SLC24A1: variants seen among roughly 807,000 people sequenced by gnomAD.
SLC24A1 encodes the protein sodium/potassium/calcium exchanger 1.
A neutral mutation model predicts 88.1 loss-of-function variants in SLC24A1; 52 were observed. That is an observed-to-expected ratio of 0.59 (90% confidence interval 0.47 to 0.74). The LOEUF is 0.74. Ranked by LOEUF, SLC24A1 falls within the 30% of genes least tolerant of loss-of-function variation. The probability of loss-of-function intolerance (pLI) is 0.00; values close to 1 mark genes in which losing one functional copy is unlikely to be tolerated. For missense variants in SLC24A1, 1,173 were observed against 1,363.3 expected, an observed-to-expected ratio of 0.86 and a Z score of 2.20; for synonymous variants, 455 against 498.0, an observed-to-expected ratio of 0.91 and a Z score of 1.15.
At chr15:65,660,322 T>A, downstream of SLC24A1, 19 of 1,534,218 alleles carry the variant, frequency 1.2e-5, no homozygotes, top group Non-Finnish European at 1.6e-5. Flanking sequence ...TATTCACTAA[T>A]GGTGTGAACT....
intron 2 of SLC24A1, among the ~76,000 whole-genome samples, chr15:65,635,287 C>T (rs750179689): frequency 1.2e-4 from 18 of 151,298 alleles, no homozygotes; most frequent in Non-Finnish European, 2.4e-4. Context: ...CAAGATCATC[C>T]CGGCCAATAT....
At position 65,625,468 on chromosome 15, in the gene SLC24A1, T is replaced by G; in HGVS notation, c.1388T>G (p.Met463Arg). ...GTGGTCCTGCACGTTTTTGGCATGATGTATGTGTTTGTGGCCTTGGCCATT... is the reference window on the plus strand; with the variant it reads ...GTGGTCCTGCACGTTTTTGGCATGAGGTATGTGTTTGTGGCCTTGGCCATT... Reference protein sequence around the residue: ...GWVVLHVFGMMYVFVALAIVC... With the variant: ...GWVVLHVFGMRYVFVALAIVC... The change falls in exon 2 of 10, where the codon ATG (methionine) becomes AGG (arginine). Residue 463 changes from methionine to arginine, a missense_variant. Coordinates refer to ENST00000261892, the MANE Select transcript of SLC24A1 (RefSeq NM_004727.3). 1.9e-6 allele frequency: 3 copies of G among 1,613,960 alleles called. No individual in the cohort carries two copies. The highest frequency in any genetic ancestry group is 2.5e-6 in the Non-Finnish European group (3 of 1,179,872).
chr15:65,655,709 C>A lies in SLC24A1; in HGVS notation c.*1630C>A. The A allele has an allele frequency of 2.0e-6, 2 of 985,280 alleles. No homozygotes were observed. Among genetic ancestry groups the A allele is most frequent in the Non-Finnish European group, 1.2e-6 (1 of 829,856 alleles). The allele number at this position is 985,280 out of a possible 1,614,324, so 61.0% of individuals were successfully genotyped here. On this transcript the variant is annotated 3_prime_UTR_variant, in exon 10 of 10. Coordinates refer to ENST00000261892, the MANE Select transcript of SLC24A1 (RefSeq NM_004727.3). ...GGACGGATGTGATATGAAAAAAACCCAAACATTTTGGCATTGAATGATGGC... is the reference window on the plus strand; with the variant it reads ...GGACGGATGTGATATGAAAAAAACCAAAACATTTTGGCATTGAATGATGGC...
chr15:65,636,848 C>T (rs905270269), intron 2 of SLC24A1, among the ~76,000 whole-genome samples: 4 of 140,828 alleles, frequency 2.8e-5, no homozygotes, highest in Non-Finnish European at 4.5e-5. Context: ...TGCACTCCAG[C>T]GCTCTGTCTC....
chr15:65,617,335 C>T (rs1439983870), upstream of SLC24A1, among the ~76,000 whole-genome samples: 1 of 152,136 alleles, frequency 6.6e-6, no homozygotes, highest in East Asian at 1.9e-4. Context: ...GCCATTTTCA[C>T]GATATTGATT....
At chr15:65,619,911 T>C (rs2141417923), upstream of SLC24A1, among the ~76,000 whole-genome samples, 1 of 152,146 alleles carries the variant, frequency 6.6e-6, no homozygotes, top group East Asian at 1.9e-4. Flanking sequence ...TTAGATCAGC[T>C]TCCTCTTCTC....
chr15:65,653,919 T>C lies in SLC24A1; in HGVS notation c.3140T>C (p.Leu1047Ser), dbSNP rs2141737541. 2 of 1,614,040 alleles carry C rather than the reference T, an allele frequency of 1.2e-6. No individual in the cohort carries two copies. Among genetic ancestry groups the C allele is most frequent in the Non-Finnish European group, 1.7e-6 (2 of 1,179,880 alleles). The change falls in exon 10 of 10, where the codon TTG (leucine) becomes TCG (serine). Residue 1047 changes from leucine (L) to serine (S), a missense_variant. Coordinates refer to ENST00000261892, the MANE Select transcript of SLC24A1 (RefSeq NM_004727.3). ...SSNGLFCAIV[L>S]LFLMLLFVIS... Reference sequence around the variant, plus strand: ...AATGGCTTGTTTTGTGCAATTGTTTTGCTTTTTCTCATGCTTCTGTTTGTG... The same window carrying C: ...AATGGCTTGTTTTGTGCAATTGTTTCGCTTTTTCTCATGCTTCTGTTTGTG...
intron 6 of SLC24A1, among the ~76,000 whole-genome samples, chr15:65,647,212 T>A (rs1277818959): frequency 1.3e-5 from 2 of 152,142 alleles, no homozygotes; most frequent in Admixed American, 1.3e-4. Flanking sequence ...GTGTTGTGGC[T>A]CACACCTGTA....
chr15:65,643,080 TTA>T, intron 4 of SLC24A1: 1 of 1,231,424 alleles, frequency 8.1e-7, no homozygotes, highest in Non-Finnish European at 1.1e-6. Flanking sequence ...CAGCTAAAAG[TTA>T]TAGAGTGCTT....
At chr15:65,634,189 A>G (rs1284185934) in intron 2 of SLC24A1, among the ~76,000 whole-genome samples, 1 of 152,182 alleles carries the variant, frequency 6.6e-6, no homozygotes, top group African/African-American at 2.4e-5. Context: ...GGGATTCAAT[A>G]AATATTTGTT....
chr15:65,645,668 A>T lies in SLC24A1; in HGVS notation c.2197A>T (p.Ile733Phe), dbSNP rs1298280568. The T allele has an allele frequency of 6.3e-7, 1 of 1,579,652 alleles. No homozygotes were observed. Residue 733 changes from isoleucine to phenylalanine, a missense_variant, in exon 6 of 10, where the codon ATC becomes TTC. Physicochemically the swap from Ile to Phe is conservative, Grantham distance 21 (BLOSUM62 0). Coordinates refer to ENST00000261892, the MANE Select transcript of SLC24A1 (RefSeq NM_004727.3). ...VTVTPAPVPD[I>F]KGDQKENPGG... ...GGTCACACCAGCCCCTGTTCCAGAC[A>T]TCAAGGGAGATCAGAAGGAGAATCC... is the stretch of plus-strand genomic sequence containing the variant.
chr15:65,618,505 T>C (rs1376838806), upstream of SLC24A1, among the ~76,000 whole-genome samples: 1 of 152,192 alleles, frequency 6.6e-6, no homozygotes, highest in African/African-American at 2.4e-5. Context: ...CCTGGTAGAC[T>C]AATATAGGGG....
At chr15:65,619,543 A>T (rs1235664758), upstream of SLC24A1, among the ~76,000 whole-genome samples, 2 of 142,538 alleles carry the variant, frequency 1.4e-5, no homozygotes, top group African/African-American at 5.1e-5. Context: ...CTGCCAGATT[A>T]AAAAAAAAAA....
At position 65,624,070 on chromosome 15, in the gene SLC24A1, A is replaced by G; in HGVS notation, c.-11A>G. 6.4e-7 allele frequency: 1 copy of G among 1,563,226 alleles called. No individual in the cohort carries two copies. The highest frequency in any genetic ancestry group is 1.2e-5 in the South Asian group (1 of 81,216). On this transcript the variant is annotated 5_prime_UTR_variant, in exon 2 of 10. It adds an upstream start codon to the 5' untranslated region. Transcript: ENST00000261892. ...TGAGAGGCCTTCTGTAACCAGATAT[A>G]ACTGGCCAGCATGGGGAAATTGATC...
chr15:65,644,857 C>T (rs998321803), intron 5 of SLC24A1, among the ~76,000 whole-genome samples: 8 of 152,182 alleles, frequency 5.3e-5, no homozygotes, highest in Non-Finnish European at 1.0e-4. Flanking sequence ...GACTGTGGGA[C>T]TTTATTTCTT....
Position 65,656,090 on chromosome 15 carries a change from C to G in SLC24A1, c.*2011C>G, listed in dbSNP as rs903483105. ...CAATACCAAAATTCTGGGCACTAAC[C>G]TGGTGTCTGCAGCCCGTTCCCGTTA... On this transcript the variant is annotated 3_prime_UTR_variant, in exon 10 of 10. Transcript: ENST00000261892. 1 of 985,320 alleles carries G rather than the reference C, an allele frequency of 1.0e-6. No homozygotes were observed. The allele number at this position is 985,320 out of a possible 1,614,324, so 61.0% of individuals were successfully genotyped here. A position where few individuals can be genotyped will look rare whatever the true frequency, so the allele number is the denominator to read the frequency against.
In SLC24A1 at chr15:65,624,932, C is replaced by A. The variant is rs548862563; in HGVS notation, c.852C>A (p.Pro284=). The A allele has an allele frequency of 2.5e-6, 4 of 1,612,476 alleles. No homozygotes were observed. The highest frequency in any genetic ancestry group is 3.4e-5 in the Admixed American group (2 of 59,684). The change falls in exon 2 of 10, where the codon CCC becomes CCA. Residue 284 remains proline, a synonymous_variant. Coordinates refer to ENST00000261892, the MANE Select transcript of SLC24A1 (RefSeq NM_004727.3). The stretch of plus-strand genomic sequence containing the variant: ...TGGAAAAAAACAACCTGTTTCCCCC[C>A]AGAAGAGTGGAAAGTAACAGCTCAG... The part of the protein sequence containing the change: ...SVMEKNNLFP[P]RRVESNSSAH...
At chr15:65,645,224 G>A (rs1458799579) in intron 5 of SLC24A1, among the ~76,000 whole-genome samples, 1 of 152,196 alleles carries the variant, frequency 6.6e-6, no homozygotes, top group Non-Finnish European at 1.5e-5. Context: ...CGTCAGTCCT[G>A]TTCCAAGGCT....
upstream of SLC24A1, among the ~76,000 whole-genome samples, chr15:65,621,012 G>A (rs1014659397): frequency 1.3e-5 from 2 of 152,138 alleles, no homozygotes; most frequent in African/African-American, 2.4e-5. Flanking sequence ...TTCCACAGTG[G>A]GTGGGCCCTT....
Sources: gnomAD v4.1 joint callset for allele counts (sites outside exome capture counted in the v4.1 genomes callset) on GRCh38, gnomAD v4.1.1 for gene constraint, MANE v1.5 for transcripts, NCBI Gene and HGNC (gene_info 2026-07-23, HGNC 2026-07-21) for gene names.